The following UBE2E3 variants were observed in gnomAD, a reference collection of about 807,000 sequenced individuals.
UBE2E3 encodes the protein ubiquitin conjugating enzyme E2 E3.
In UBE2E3, 5 loss-of-function variants were observed where a neutral mutation model predicts 23.6. That is an observed-to-expected ratio of 0.21 (90% CI 0.11 to 0.44). The LOEUF (loss-of-function observed/expected upper bound fraction) is 0.44, where lower values mean the gene tolerates loss of function less well. Ranked by LOEUF, UBE2E3 falls within the 20% of genes least tolerant of loss-of-function variation. UBE2E3 has a pLI of 0.99. For synonymous variants in UBE2E3, 78 were observed against 87.5 expected (o/e 0.89, Z 0.60); for missense variants, 81 against 249.8 (o/e 0.32, Z 4.55).
At chr2:181,021,761 A>G (rs1431631043) in intron 3 of UBE2E3, among the ~76,000 whole-genome samples, 1 of 151,138 alleles carries the variant, frequency 6.6e-6, no homozygotes, top group African/African-American at 2.4e-5. Context: ...GTTTTTGACC[A>G]GTGGATTTCT....
At chr2:181,056,368 T>C (rs1439347622) in intron 3 of UBE2E3, among the ~76,000 whole-genome samples, 2 of 151,700 alleles carry the variant, frequency 1.3e-5, no homozygotes, top group Non-Finnish European at 3.0e-5. Context: ...GAGTAGGTTA[T>C]AAGGAAAAGA....
At chr2:181,043,796 ACTCTT>A (rs1686588545) in intron 3 of UBE2E3, among the ~76,000 whole-genome samples, 1 of 151,988 alleles carries the variant, frequency 6.6e-6, no homozygotes, top group South Asian at 2.1e-4. Flanking sequence ...TTTGTGATCT[ACTCTT>A]CTTTCTTAAT....
intron 3 of UBE2E3, among the ~76,000 whole-genome samples, chr2:181,043,711 T>G (rs62181570): frequency 0.23 from 35,315 of 152,086 alleles, 4,467 homozygotes; most frequent in Non-Finnish European, 0.28. Context: ...CCACCCATCC[T>G]CTTTTAAAAT....
chr2:181,019,408 C>T (rs538150292), intron 3 of UBE2E3, among the ~76,000 whole-genome samples: 1 of 152,188 alleles, frequency 6.6e-6, no homozygotes, highest in East Asian at 1.9e-4. Context: ...TTTTTTCTAC[C>T]TGTAATATAA....
chr2:181,045,173 G>A (rs1399723582), intron 3 of UBE2E3, among the ~76,000 whole-genome samples: 1 of 152,164 alleles, frequency 6.6e-6, no homozygotes, highest in African/African-American at 2.4e-5. Flanking sequence ...AATTACTTGT[G>A]CTGTGTATGA....
chr2:181,062,641 A>G (rs1687194112), intron 5 of UBE2E3, 150 bp from the exon 6 acceptor site: 2 of 397,296 alleles, frequency 5.0e-6, no homozygotes, highest in Non-Finnish European at 9.3e-6. Context: ...ACATATGATC[A>G]TGTTACTTTA....
chr2:181,040,390 C>G (rs1302947306), intron 3 of UBE2E3, among the ~76,000 whole-genome samples: 3 of 152,122 alleles, frequency 2.0e-5, no homozygotes. Flanking sequence ...ACTACAGTGC[C>G]TGGCTTATGA....
chr2:181,055,920 T>G (rs866269058), intron 3 of UBE2E3, among the ~76,000 whole-genome samples: 1 of 151,618 alleles, frequency 6.6e-6, no homozygotes, highest in African/African-American at 2.4e-5. Context: ...AAAGTAATGG[T>G]GTGTTAAGCG....
intron 3 of UBE2E3, among the ~76,000 whole-genome samples, chr2:181,027,639 AGCAAGAGT>A (rs1685938839): frequency 1.3e-5 from 2 of 151,934 alleles, no homozygotes; most frequent in Admixed American, 1.3e-4. Context: ...AATTGTGAGA[AGCAAGAGT>A]GCTGCAGCAT....
intron 3 of UBE2E3, among the ~76,000 whole-genome samples, chr2:181,035,059 A>C (rs544008803): frequency 4.7e-4 from 71 of 152,276 alleles, no homozygotes; most frequent in African/African-American, 1.7e-3. Flanking sequence ...TAAATATACA[A>C]GTCATTTGTA....
chr2:180,989,358 G>A (rs946677225), intron 3 of UBE2E3, among the ~76,000 whole-genome samples: 5 of 152,134 alleles, frequency 3.3e-5, no homozygotes, highest in African/African-American at 1.2e-4. Context: ...GTGAAGGTCT[G>A]TTAATAAATA....
At chr2:181,012,883 C>T (rs1475865552) in intron 3 of UBE2E3, among the ~76,000 whole-genome samples, 2 of 152,250 alleles carry the variant, frequency 1.3e-5, no homozygotes, top group Admixed American at 6.5e-5. Context: ...TATGGAGCCC[C>T]TACTATGTGT....
chr2:181,041,876 C>T (rs539279257), intron 3 of UBE2E3, among the ~76,000 whole-genome samples: 1 of 152,298 alleles, frequency 6.6e-6, no homozygotes, highest in Non-Finnish European at 1.5e-5. Flanking sequence ...AGTCAAAACA[C>T]CTCATCCTTG....
At chr2:180,996,205 C>T (rs1684817428) in intron 3 of UBE2E3, among the ~76,000 whole-genome samples, 1 of 152,144 alleles carries the variant, frequency 6.6e-6, no homozygotes, top group Non-Finnish European at 1.5e-5. Context: ...CGAGTACATA[C>T]ATTCAACTTA....
At chr2:181,033,856 AG>A (rs1686172409) in intron 3 of UBE2E3, among the ~76,000 whole-genome samples, 1 of 152,234 alleles carries the variant, frequency 6.6e-6, no homozygotes, top group Non-Finnish European at 1.5e-5. Context: ...CCCATCAACA[AG>A]TGGGCGAAGG....
At chr2:181,031,335 G>A (rs543241028) in intron 3 of UBE2E3, among the ~76,000 whole-genome samples, 5 of 152,056 alleles carry the variant, frequency 3.3e-5, no homozygotes, top group Non-Finnish European at 7.4e-5. Flanking sequence ...AACAAGATAC[G>A]TAGAAATGTG....
intron 4 of UBE2E3, among the ~76,000 whole-genome samples, chr2:181,060,137 G>A (rs1317055085): frequency 6.6e-6 from 1 of 151,656 alleles, no homozygotes; most frequent in Non-Finnish European, 1.5e-5. Context: ...AAACAGAAAG[G>A]CAGGTAGTGT....
At position 180,984,101 on chromosome 2, in the gene UBE2E3, A is replaced by G. The variant is rs768747088; in HGVS notation, c.245+8A>G. ...TCCTCCTCCTAATTGCAGGTAAGAAATGAATTTTGTTGTTTTGGTTTCAAA... is the reference window on the plus strand; with the variant it reads ...TCCTCCTCCTAATTGCAGGTAAGAAGTGAATTTTGTTGTTTTGGTTTCAAA... On this transcript the variant is annotated splice_region_variant and intron_variant, in intron 3 of 5. Transcript: ENST00000410062. The G allele has an allele frequency of 1.9e-6, 3 of 1,609,386 alleles. No homozygotes were observed. The highest frequency in any genetic ancestry group is 1.7e-6 in the Non-Finnish European group (2 of 1,176,696).
At chr2:181,016,774 C>G (rs1172221713) in intron 3 of UBE2E3, among the ~76,000 whole-genome samples, 1 of 152,096 alleles carries the variant, frequency 6.6e-6, no homozygotes. Context: ...AAATATATTT[C>G]AGAAGGAAAC....
Sources: allele counts gnomAD v4.1 joint callset (sites outside exome capture counted in the v4.1 genomes callset), GRCh38; gene constraint gnomAD v4.1.1; transcripts MANE v1.5; gene names NCBI Gene and HGNC (gene_info 2026-07-23, HGNC 2026-07-21).